ARRB1: variants seen among roughly 807,000 people sequenced by gnomAD.
The protein encoded by ARRB1 is beta-arrestin-1.
ARRB1 carries 21 observed loss-of-function variants against 56.8 expected under a neutral mutation model. That is an observed-to-expected ratio of 0.37 (90% CI 0.26 to 0.53). The LOEUF is 0.53. Among genes scored for constraint, ARRB1 ranks in the 20% least tolerant of loss-of-function variants. The pLI, the probability that ARRB1 is intolerant of heterozygous loss-of-function variation, is 0.88. For synonymous variants in ARRB1, 210 were observed against 218.6 expected, an observed-to-expected ratio of 0.96 and a Z score of 0.35; for missense variants, 424 against 553.7, an observed-to-expected ratio of 0.77 and a Z score of 2.35.
intron 1 of ARRB1, among the ~76,000 whole-genome samples, chr11:75,348,198 C>G (rs970585928): frequency 1.3e-5 from 2 of 152,208 alleles, no homozygotes; most frequent in Non-Finnish European, 2.9e-5. Flanking sequence ...CCAGGCTGCA[C>G]GCCTTGCTTC....
chr11:75,293,862 C>T (rs972897551), intron 1 of ARRB1, among the ~76,000 whole-genome samples: 8 of 152,204 alleles, frequency 5.3e-5, no homozygotes, highest in Admixed American at 1.3e-4. Flanking sequence ...CTGCACCTCT[C>T]CTCCCGGGGC....
chr11:75,310,264 GA>G (rs1947127870), intron 1 of ARRB1, among the ~76,000 whole-genome samples: 1 of 152,182 alleles, frequency 6.6e-6, no homozygotes, highest in African/African-American at 2.4e-5. Flanking sequence ...CCAGGGTGTT[GA>G]GGGGGATGAA....
intron 1 of ARRB1, among the ~76,000 whole-genome samples, chr11:75,323,996 T>C (rs909257085): frequency 2.0e-5 from 3 of 152,118 alleles, no homozygotes; most frequent in Non-Finnish European, 4.4e-5. Context: ...AAATTTTACA[T>C]ACAGTTTAAT....
At chr11:75,276,247 A>G (rs1946198846) in intron 10 of ARRB1, among the ~76,000 whole-genome samples, 1 of 152,110 alleles carries the variant, frequency 6.6e-6, no homozygotes. Flanking sequence ...GAATGGGAGC[A>G]TTTACTTCCT....
chr11:75,338,810 A>C (rs1947651669), intron 1 of ARRB1, among the ~76,000 whole-genome samples: 1 of 152,200 alleles, frequency 6.6e-6, no homozygotes, highest in Non-Finnish European at 1.5e-5. Context: ...TGCAAAAAAA[A>C]ATCTCCTTAT....
intron 1 of ARRB1, among the ~76,000 whole-genome samples, chr11:75,314,280 G>C (rs1048699202): frequency 6.6e-6 from 1 of 152,260 alleles, no homozygotes; most frequent in Non-Finnish European, 1.5e-5. Flanking sequence ...TGGGAGGCTG[G>C]AGTCAAGAGG....
At chr11:75,294,607 A>T (rs669562) in intron 1 of ARRB1, among the ~76,000 whole-genome samples, 3,841 of 35,380 alleles carry the variant, frequency 0.11, 88 homozygotes, top group East Asian at 0.15. Flanking sequence ...ATAAATAAAT[A>T]ACTTAAAATA....
chr11:75,274,548 T>C (rs1946150048), intron 10 of ARRB1: 6 of 190,842 alleles, frequency 3.1e-5, no homozygotes, highest in Non-Finnish European at 6.6e-5. Context: ...TCCCAGCATT[T>C]TGGGAGGCCG....
At chr11:75,305,041 G>A (rs1160500076) in intron 1 of ARRB1, among the ~76,000 whole-genome samples, 1 of 14,424 alleles carries the variant, frequency 6.9e-5, no homozygotes, top group Non-Finnish European at 1.7e-4. Context: ...TTTTTTTTTT[G>A]AGACAAGAGT....
At chr11:75,343,755 G>GA (rs1361470624) in intron 1 of ARRB1, among the ~76,000 whole-genome samples, 3 of 152,042 alleles carry the variant, frequency 2.0e-5, no homozygotes, top group Non-Finnish European at 2.9e-5. Context: ...CAGGTGCCCA[G>GA]AGGAGGCCCC....
chr11:75,331,394 T>C (rs1035713909), intron 1 of ARRB1, among the ~76,000 whole-genome samples: 3 of 152,154 alleles, frequency 2.0e-5, no homozygotes, highest in Admixed American at 1.3e-4. Flanking sequence ...GAATTCTCAT[T>C]GTCAGGCCTC....
At chr11:75,334,952 G>C (rs1285985508) in intron 1 of ARRB1, 1 of 164,924 alleles carries the variant, frequency 6.1e-6, no homozygotes, top group Non-Finnish European at 1.5e-5. Flanking sequence ...TTGTTTGTTT[G>C]TTTTAAAAAA....
At chr11:75,314,151 C>A (rs528125842) in intron 1 of ARRB1, among the ~76,000 whole-genome samples, 7 of 152,240 alleles carry the variant, frequency 4.6e-5, no homozygotes, top group African/African-American at 1.7e-4. Flanking sequence ...ACTCCAGTCC[C>A]ACCAGCCTGG....
chr11:75,273,476 G>C (rs2140406382), intron 11 of ARRB1, among the ~76,000 whole-genome samples: 1 of 152,302 alleles, frequency 6.6e-6, no homozygotes, highest in African/African-American at 2.4e-5. Context: ...CAGGTAAGTG[G>C]GAGGCTGTGC....
At chr11:75,302,091 G>A (rs1946918293) in intron 1 of ARRB1, among the ~76,000 whole-genome samples, 1 of 152,172 alleles carries the variant, frequency 6.6e-6, no homozygotes, top group Admixed American at 6.5e-5. Flanking sequence ...GGGACCGCCG[G>A]CTTCTGTGGT....
At chr11:75,275,209 C>T (rs189549791) in intron 10 of ARRB1, among the ~76,000 whole-genome samples, 25 of 149,510 alleles carry the variant, frequency 1.7e-4, no homozygotes, top group Non-Finnish European at 2.1e-4. Context: ...TACAGTAGTG[C>T]GATCCTGGCT....
intron 13 of ARRB1, 101 bp from the exon 14 acceptor site, chr11:75,269,060 C>A: frequency 3.0e-6 from 4 of 1,325,256 alleles, no homozygotes; most frequent in African/African-American, 1.5e-5. Flanking sequence ...AGGGTTTTGC[C>A]GTCAGAGGAG....
chr11:75,299,832 C>G (rs1946854012), intron 1 of ARRB1, among the ~76,000 whole-genome samples: 1 of 152,060 alleles, frequency 6.6e-6, no homozygotes, highest in Admixed American at 6.5e-5. Flanking sequence ...AGTAGGTGCT[C>G]AATAAATAAA....
At chr11:75,311,408 G>A (rs899422988) in intron 1 of ARRB1, among the ~76,000 whole-genome samples, 1 of 152,232 alleles carries the variant, frequency 6.6e-6, no homozygotes, top group African/African-American at 2.4e-5. Context: ...CATTCTTTCT[G>A]GGATGGGCAG....
Sources: allele counts gnomAD v4.1 joint callset (sites outside exome capture counted in the v4.1 genomes callset), GRCh38; gene constraint gnomAD v4.1.1; transcripts MANE v1.5; gene names NCBI Gene and HGNC (gene_info 2026-07-23, HGNC 2026-07-21).